EPB41L2: variants seen among roughly 807,000 people sequenced by gnomAD.
The protein encoded by EPB41L2 is erythrocyte membrane protein band 4.1 like 2, also known as band 4.1-like protein 2.
EPB41L2 carries 43 observed loss-of-function variants against 113.0 expected under a neutral mutation model. The observed-to-expected ratio is 0.38, with a 90% CI of 0.30 to 0.49. The LOEUF is 0.49. Among genes scored for constraint, EPB41L2 ranks in the 20% least tolerant of loss-of-function variants. The probability of loss-of-function intolerance (pLI) is 0.95; values close to 1 mark genes in which losing one functional copy is unlikely to be tolerated. For synonymous variants in EPB41L2, 442 were observed against 436.7 expected, an observed-to-expected ratio of 1.01 and a Z score of -0.15; for missense variants, 1,147 against 1,223.4, an observed-to-expected ratio of 0.94 and a Z score of 0.93.
At chr6:130,959,679 T>A (rs899262612) in intron 1 of EPB41L2, among the ~76,000 whole-genome samples, 10 of 152,270 alleles carry the variant, frequency 6.6e-5, no homozygotes, top group African/African-American at 2.2e-4. Flanking sequence ...TTTTTCCTTC[T>A]TTAACATACC....
intron 1 of EPB41L2, among the ~76,000 whole-genome samples, chr6:130,958,170 G>A (rs147276487): frequency 6.6e-6 from 1 of 152,118 alleles, no homozygotes; most frequent in African/African-American, 2.4e-5. Context: ...CACAGGACTA[G>A]GCCAGGTGCA....
chr6:130,924,982 T>C (rs9375781), intron 4 of EPB41L2, among the ~76,000 whole-genome samples: 64,714 of 151,974 alleles, frequency 0.43, 16,245 homozygotes, highest in Non-Finnish European at 0.53. Context: ...GTGTACTAAA[T>C]GTGTAGATGA....
chr6:130,847,660 T>C (rs1777439176), intron 19 of EPB41L2, among the ~76,000 whole-genome samples: 1 of 152,240 alleles, frequency 6.6e-6, no homozygotes, highest in African/African-American at 2.4e-5. Flanking sequence ...TCTCTTTTGT[T>C]GATTAACTAT....
intron 1 of EPB41L2, among the ~76,000 whole-genome samples, chr6:130,994,024 C>T (rs778151303): frequency 1.3e-5 from 2 of 152,014 alleles, no homozygotes; most frequent in African/African-American, 2.4e-5. Context: ...TTGGGAGAAA[C>T]GTCATGAAGT....
At chr6:130,869,069 A>G (rs1239487119) in intron 15 of EPB41L2, among the ~76,000 whole-genome samples, 1 of 152,214 alleles carries the variant, frequency 6.6e-6, no homozygotes, top group Non-Finnish European at 1.5e-5. Flanking sequence ...GTAATCAGAG[A>G]CTGCTGTCAT....
At chr6:131,053,062 A>C (rs759672633) in intron 1 of EPB41L2, among the ~76,000 whole-genome samples, 6 of 151,992 alleles carry the variant, frequency 3.9e-5, no homozygotes, top group African/African-American at 7.3e-5. Context: ...ACGCCTGGCT[A>C]ATTTTGTATT....
chr6:131,035,094 C>T (rs1793013720), intron 1 of EPB41L2, among the ~76,000 whole-genome samples: 1 of 152,118 alleles, frequency 6.6e-6, no homozygotes, highest in South Asian at 2.1e-4. Context: ...AGTTCAAGAT[C>T]CTACCTAAGA....
chr6:130,870,044 A>G lies in EPB41L2; in HGVS notation c.2126T>C (p.Met709Thr). ...CCCAGGTGATATCTCTTTACCATTC[A>G]TTTCTTCTGTGATTACTCTTTCGTC... is the stretch of plus-strand genomic sequence containing the variant. Reference protein sequence around the residue: ...GKDERVITEEMNGKEISPGSG... With the variant: ...GKDERVITEETNGKEISPGSG... The change falls in exon 15 of 20, where the codon ATG becomes ACG. Residue 709 changes from methionine to threonine, a missense_variant. Coordinates refer to ENST00000337057, the MANE Select transcript of EPB41L2 (RefSeq NM_001431.4). 6.2e-7 allele frequency: 1 copy of G among 1,612,818 alleles called. No individual in the cohort carries two copies. The highest frequency in any genetic ancestry group is 8.5e-7 in the Non-Finnish European group (1 of 1,179,692).
intron 18 of EPB41L2, among the ~76,000 whole-genome samples, chr6:130,858,911 C>G (rs1781124570): frequency 6.6e-6 from 1 of 152,190 alleles, no homozygotes; most frequent in Non-Finnish European, 1.5e-5. Context: ...ATACAGGTCC[C>G]TATTTGACAG....
At chr6:130,969,302 T>A (rs989455120) in intron 1 of EPB41L2, among the ~76,000 whole-genome samples, 1 of 152,156 alleles carries the variant, frequency 6.6e-6, no homozygotes, top group Non-Finnish European at 1.5e-5. Context: ...ATATAGAGCA[T>A]CCCTAACAGT....
chr6:130,956,612 A>G, intron 1 of EPB41L2, 113 bp from the exon 2 acceptor site: 1 of 922,190 alleles, frequency 1.1e-6, no homozygotes, highest in Non-Finnish European at 1.6e-6. Context: ...GATGACAGGG[A>G]GAAAGCACAT....
intron 6 of EPB41L2, among the ~76,000 whole-genome samples, chr6:130,903,182 G>A (rs1205184383): frequency 2.0e-5 from 3 of 152,172 alleles, no homozygotes; most frequent in Non-Finnish European, 2.9e-5. Flanking sequence ...CAGGAGGAGT[G>A]TATGTACAGA....
At chr6:130,987,748 G>C (rs566373042) in intron 1 of EPB41L2, among the ~76,000 whole-genome samples, 1 of 151,920 alleles carries the variant, frequency 6.6e-6, no homozygotes, top group African/African-American at 2.4e-5. Flanking sequence ...GTTCTGAGAA[G>C]AAAAATTTAG....
intron 6 of EPB41L2, among the ~76,000 whole-genome samples, chr6:130,901,425 TAA>T (rs140309653): frequency 0.017 from 2,599 of 152,230 alleles, 83 homozygotes; most frequent in African/African-American, 0.058. Flanking sequence ...TGTATATATA[TAA>T]GAGTTTTATA....
Position 130,858,251 on chromosome 6 carries a change from G to T in EPB41L2, c.2911-8C>A, listed in dbSNP as rs1344873774. The T allele has an allele frequency of 6.2e-7, 1 of 1,607,710 alleles. No homozygotes were observed. Among genetic ancestry groups the T allele is most frequent in the South Asian group, 1.1e-5 (1 of 90,038 alleles). On this transcript the variant is annotated splice_polypyrimidine_tract_variant and splice_region_variant and intron_variant, in intron 18 of 19. Coordinates refer to ENST00000337057, the MANE Select transcript of EPB41L2 (RefSeq NM_001431.4). The stretch of plus-strand genomic sequence containing the variant: ...GATCGCCTGAGCCAGTGCCTGCCAG[G>T]GTCAGGACAGAGAACGGCTGTGAGC...
At chr6:130,890,882 T>C (rs1330816174) in intron 10 of EPB41L2, among the ~76,000 whole-genome samples, 1 of 152,202 alleles carries the variant, frequency 6.6e-6, no homozygotes, top group African/African-American at 2.4e-5. Context: ...AACATCTAAC[T>C]CAGGAATCTG....
intron 18 of EPB41L2, among the ~76,000 whole-genome samples, chr6:130,860,766 C>T (rs1301260705): frequency 6.6e-6 from 1 of 151,736 alleles, no homozygotes. Flanking sequence ...GATCTCCTGA[C>T]CTCATGATCT....
At chr6:130,991,653 A>T (rs1781898772) in intron 1 of EPB41L2, among the ~76,000 whole-genome samples, 1 of 152,140 alleles carries the variant, frequency 6.6e-6, no homozygotes, top group South Asian at 2.1e-4. Context: ...GTTGGACTTG[A>T]TATAGCTACA....
chr6:131,001,933 T>C (rs940904871), intron 1 of EPB41L2, among the ~76,000 whole-genome samples: 1 of 152,220 alleles, frequency 6.6e-6, no homozygotes, highest in Non-Finnish European at 1.5e-5. Context: ...ATTCTAAAGA[T>C]TTCTGTGGAA....
Sources: gnomAD v4.1 joint callset for allele counts (sites outside exome capture counted in the v4.1 genomes callset) on GRCh38, gnomAD v4.1.1 for gene constraint, MANE v1.5 for transcripts, NCBI Gene and HGNC (gene_info 2026-07-23, HGNC 2026-07-21) for gene names.